B4GALNT3: variants seen among roughly 807,000 people sequenced by gnomAD.
B4GALNT3 encodes beta-1,4-N-acetyl-galactosaminyltransferase 3.
Under a neutral mutation model 120.2 loss-of-function variants are expected in B4GALNT3, and 86 were observed. That is an observed-to-expected ratio of 0.72 (90% confidence interval 0.60 to 0.86). The LOEUF (loss-of-function observed/expected upper bound fraction) is 0.86, where lower values mean the gene tolerates loss of function less well. Among genes scored for constraint, B4GALNT3 ranks in the 40% least tolerant of loss-of-function variants. The pLI is 0.00. For synonymous variants in B4GALNT3, 518 were observed against 510.4 expected, an observed-to-expected ratio of 1.01 and a Z score of -0.20; for missense variants, 1,167 against 1,298.9, an observed-to-expected ratio of 0.90 and a Z score of 1.56.
rs557738263 is a variant in B4GALNT3, at chr12:551,786, G to A, written c.1108-277G>A. 5.9e-5 allele frequency among the ~76,000 whole-genome samples: 9 copies of A among 152,198 alleles called. No homozygotes were observed. In the East Asian group the frequency reaches 1.4e-3, roughly 23 times the overall value. ...GTGGTTTTGGCTGAAGCTGAGGGAC[G>A]GGAGCTGGTTCAGGAGGGGAGATGT... is the stretch of plus-strand genomic sequence containing the variant. On this transcript the variant is annotated intron_variant, in intron 11 of 19. Coordinates refer to ENST00000266383, the MANE Select transcript of B4GALNT3 (RefSeq NM_173593.4).
At chr12:518,679 C>T (rs906184122) in intron 1 of B4GALNT3, among the ~76,000 whole-genome samples, 8 of 152,198 alleles carry the variant, frequency 5.3e-5, no homozygotes, top group African/African-American at 1.9e-4. Flanking sequence ...GAATTACAGG[C>T]ATGAGGCACT....
chr12:522,114 G>C (rs565688714), intron 1 of B4GALNT3, among the ~76,000 whole-genome samples: 1 of 152,214 alleles, frequency 6.6e-6, no homozygotes, highest in African/African-American at 2.4e-5. Flanking sequence ...AGAGCAGCCT[G>C]GCCTCCCTTG....
intron 1 of B4GALNT3, among the ~76,000 whole-genome samples, chr12:462,233 C>G (rs973732033): frequency 3.0e-4 from 45 of 152,068 alleles, no homozygotes; most frequent in African/African-American, 1.0e-3. Flanking sequence ...GACACCTCCT[C>G]CCAGTGTAGC....
At chr12:490,139 TATTAG>T (rs1210780263) in intron 1 of B4GALNT3, among the ~76,000 whole-genome samples, 21 of 152,174 alleles carry the variant, frequency 1.4e-4, no homozygotes, top group African/African-American at 4.8e-4. Flanking sequence ...TGAATGCTTA[TATTAG>T]AAGAGAAGAA....
rs1241607736 is a variant in B4GALNT3 at position 526,365 on chromosome 12, A to G, written c.170-8801A>G. ...CCAGGGAGGAAAAGGATTGCCCCAC[A>G]TCTTCCGTCTGCATGCAGAAACTTA... On this transcript the variant is annotated intron_variant, in intron 1 of 19. Transcript: ENST00000266383. 2.0e-5 allele frequency among the ~76,000 whole-genome samples: 3 copies of G among 152,160 alleles called. No individual in the cohort carries two copies. The East Asian group carries it at 5.8e-4, about 29-fold the overall frequency.
chr12:512,977 TCCACCTTCGATCTTC>T (rs1946610423), intron 1 of B4GALNT3, among the ~76,000 whole-genome samples: 1 of 138,874 alleles, frequency 7.2e-6, no homozygotes. Context: ...CTTTCCACCT[TCCACCTTCGATCTTC>T]CTTCCACCTT....
rs200419024 is a variant in B4GALNT3 at position 552,512 on chromosome 12, G to C, written c.1254G>C (p.Gln418His). The change falls in exon 13 of 20, where the codon CAG becomes CAC. Residue 418 changes from glutamine (Q) to histidine (H), a missense_variant. Physicochemically the swap from Gln to His is conservative, Grantham distance 24. Around this residue, in one of 3 missense-constraint regions of B4GALNT3, gnomAD observed 983 missense variants for 1,102.5 expected, o/e 0.89. Transcript: ENST00000266383. ...EYIKIDQPEK[Q>H]GLEQPGFEEN... ...TCAAGATTGACCAGCCTGAGAAGCA[G>C]GGGCTGGAGCAGCCAGGTACAGAGT... 1.2e-6 allele frequency: 2 copies of C among 1,613,876 alleles called. No individual in the cohort carries two copies. The highest frequency in any genetic ancestry group is 2.7e-5 in the African/African-American group (2 of 75,062).
At chr12:480,920 G>A (rs1946236890) in intron 1 of B4GALNT3, among the ~76,000 whole-genome samples, 1 of 152,254 alleles carries the variant, frequency 6.6e-6, no homozygotes, top group Non-Finnish European at 1.5e-5. Flanking sequence ...GACTGGACCA[G>A]TCCCTCTCAG....
chr12:514,165 T>C (rs1946625795), intron 1 of B4GALNT3, among the ~76,000 whole-genome samples: 1 of 152,044 alleles, frequency 6.6e-6, no homozygotes, highest in South Asian at 2.1e-4. Context: ...AATTTCTCTA[T>C]GTTCTTGCCA....
intron 1 of B4GALNT3, among the ~76,000 whole-genome samples, chr12:511,209 T>G (rs1271900765): frequency 1.3e-5 from 2 of 150,634 alleles, no homozygotes; most frequent in African/African-American, 4.9e-5. Flanking sequence ...TTGTTTTTTG[T>G]TTTTTTTGGT....
rs1225978900 is a variant in B4GALNT3 at position 512,740 on chromosome 12, T to C, written c.170-22426T>C. Among the ~76,000 whole-genome samples, 14 of 75,042 alleles carry C rather than the reference T, an allele frequency of 1.9e-4. 1 individual carries two copies. Among genetic ancestry groups the C allele is most frequent in the Middle Eastern group, 0.013 (1 of 80 alleles). 49.2% of individuals were successfully genotyped at this position (75,042 alleles called of 152,430 possible). On this transcript the variant is annotated intron_variant, in intron 1 of 19. Transcript: ENST00000266383. ...TCCACCTTCCACCTTCTTCCACCTT[T>C]GACCTTCCACCTTCCACCTTCCGCC... is the stretch of plus-strand genomic sequence containing the variant.
Position 561,493 on chromosome 12 carries a change from T to A in B4GALNT3, c.*42T>A. ...GGGCCCAGCACTCCCCGCTCTGGACTAGCAGTGGCTCCCCAGGGCCCTGCT... is the reference window on the plus strand; with the variant it reads ...GGGCCCAGCACTCCCCGCTCTGGACAAGCAGTGGCTCCCCAGGGCCCTGCT... On this transcript the variant is annotated 3_prime_UTR_variant, in exon 20 of 20. Transcript: ENST00000266383. 1 of 1,467,046 alleles carries A rather than the reference T, an allele frequency of 6.8e-7. No homozygotes were observed. Among genetic ancestry groups the A allele is most frequent in the Non-Finnish European group, 9.4e-7 (1 of 1,061,250 alleles). 90.9% of individuals were successfully genotyped at this position (1,467,046 alleles called of 1,614,324 possible).
At chr12:529,749 C>T (rs929411706) in intron 1 of B4GALNT3, among the ~76,000 whole-genome samples, 1 of 142,760 alleles carries the variant, frequency 7.0e-6, no homozygotes, top group Non-Finnish European at 1.5e-5. Context: ...TACATCCTGC[C>T]GTGTACCTTC....
rs1403995528 is a variant in B4GALNT3 at position 460,576 on chromosome 12, C to CG, written c.169+36dup. The stretch of plus-strand genomic sequence containing the variant: ...TAGCACCCAGGGGAGGCGAAGGGCG[C>CG]GGGGGTGGGCGGCGGCGGCGGCTCC... On this transcript the variant is annotated intron_variant, in intron 1 of 19. Coordinates refer to ENST00000266383, the MANE Select transcript of B4GALNT3 (RefSeq NM_173593.4). This position sits in a 1 kb window ranked among gnomAD's most constrained non-coding sequence, Gnocchi z 8.0. 2 of 1,349,056 alleles carry CG rather than the reference C, an allele frequency of 1.5e-6. No homozygotes were observed. Among genetic ancestry groups the CG allele is most frequent in the South Asian group, 1.8e-5 (1 of 54,688 alleles). The allele number at this position is 1,349,056 out of a possible 1,614,324, so 83.6% of individuals were successfully genotyped here. A position where few individuals can be genotyped will look rare whatever the true frequency, so the allele number is the denominator to read the frequency against.
intron 1 of B4GALNT3, among the ~76,000 whole-genome samples, chr12:489,145 A>G (rs1256903871): frequency 7.8e-6 from 1 of 128,424 alleles, no homozygotes; most frequent in Admixed American, 8.8e-5. Flanking sequence ...GGGGAACATC[A>G]TACACTGGGG....
At chr12:473,447 G>T (rs1192286351) in intron 1 of B4GALNT3, among the ~76,000 whole-genome samples, 4 of 152,130 alleles carry the variant, frequency 2.6e-5, no homozygotes, top group African/African-American at 9.7e-5. Context: ...GTCAAGGCAG[G>T]AAGTGACAGA....
intron 1 of B4GALNT3, among the ~76,000 whole-genome samples, chr12:471,749 A>G (rs1391230890): frequency 1.3e-5 from 2 of 151,604 alleles, no homozygotes; most frequent in African/African-American, 4.9e-5. Context: ...ATATAAATAA[A>G]CTACATCATT....
At chr12:462,994 A>G (rs887675566) in intron 1 of B4GALNT3, among the ~76,000 whole-genome samples, 4 of 152,204 alleles carry the variant, frequency 2.6e-5, no homozygotes, top group African/African-American at 9.6e-5. Context: ...AACAGGAACC[A>G]GGGTAGTAAA....
At chr12:545,643 G>A (rs897314764) in intron 6 of B4GALNT3, among the ~76,000 whole-genome samples, 174 bp downstream of exon 6, 1 of 151,092 alleles carries the variant, frequency 6.6e-6, no homozygotes, top group Non-Finnish European at 1.5e-5. Flanking sequence ...ACTGAGGATG[G>A]GGAGGAGTGA....
Sources: gnomAD v4.1 joint callset for allele counts (sites outside exome capture counted in the v4.1 genomes callset) on GRCh38, gnomAD v4.1.1 for gene constraint, gnomAD v4.1.1 regional missense constraint, Gnocchi (gnomAD v3.1) non-coding constraint, MANE v1.5 for transcripts, NCBI Gene and HGNC (gene_info 2026-07-23, HGNC 2026-07-21) for gene names.